Variants in RSRP1 observed in about 807,000 individuals in gnomAD.
RSRP1 encodes arginine and serine rich protein 1.
A neutral mutation model predicts 33.0 loss-of-function variants in RSRP1; 37 were observed. The ratio of observed to expected loss-of-function variants is 1.12; its 90% CI spans 0.86 to 1.48. The LOEUF (loss-of-function observed/expected upper bound fraction) is 1.48. Ranked by LOEUF, RSRP1 falls within the 40% of genes most tolerant of loss-of-function variation. The pLI is 0.00. For synonymous variants in RSRP1, 167 were observed against 158.7 expected (o/e 1.05, Z -0.40); for missense variants, 402 against 385.3 (o/e 1.04, Z -0.36).
Position 25,242,724 on chromosome 1 carries a change from A to G in RSRP1, c.757-19T>C. 6.7e-7 allele frequency: 1 copy of G among 1,500,170 alleles called. No homozygotes were observed. Among genetic ancestry groups the G allele is most frequent in the Non-Finnish European group, 9.2e-7 (1 of 1,092,170 alleles). 92.9% of individuals were successfully genotyped at this position (1,500,170 alleles called of 1,614,324 possible). On this transcript the variant is annotated intron_variant, in intron 4 of 4. Transcript: ENST00000243189. ...CAGAATTCTGTAAAAGAACAAATTC[A>G]GTCAGCTTCCCAAACATACATTGTA...
chr1:25,287,665 A>G (rs1236427133), intron 1 of RSRP1, among the ~76,000 whole-genome samples: 1 of 135,578 alleles, frequency 7.4e-6, no homozygotes, highest in Non-Finnish European at 1.8e-5. Context: ...TAACTTAGCA[A>G]ATGGCTATTG....
chr1:25,315,732 A>G (rs1644406499), intron 1 of RSRP1, among the ~76,000 whole-genome samples: 2 of 129,356 alleles, frequency 1.5e-5, no homozygotes, highest in Admixed American at 7.5e-5. Flanking sequence ...TCCTGACCTC[A>G]TGATCTGCCC....
intron 1 of RSRP1, among the ~76,000 whole-genome samples, chr1:25,260,235 C>G (rs750000085): frequency 2.6e-5 from 4 of 152,148 alleles, no homozygotes; most frequent in Non-Finnish European, 5.9e-5. Flanking sequence ...TTCTGGCAGA[C>G]CAAGGTTCTT....
At chr1:25,285,290 G>A (rs1477609259) in intron 1 of RSRP1, among the ~76,000 whole-genome samples, 5 of 133,608 alleles carry the variant, frequency 3.7e-5, no homozygotes, top group African/African-American at 1.0e-4. Flanking sequence ...ATGTGCCACC[G>A]CGCCTGGCTG....
intron 1 of RSRP1, among the ~76,000 whole-genome samples, chr1:25,269,079 A>C (rs1292927748): frequency 7.6e-6 from 1 of 132,136 alleles, no homozygotes; most frequent in Admixed American, 7.4e-5. Context: ...TTATGTCCTG[A>C]TAAAGCCATG....
chr1:25,337,953 T>C (rs1224720733), intron 1 of RSRP1: 2 of 151,674 alleles, frequency 1.3e-5, no homozygotes, highest in Non-Finnish European at 2.9e-5. Context: ...TGAGTAGCGC[T>C]GTGTGGCCGC....
At chr1:25,249,036 C>T (rs1429603062), upstream of RSRP1, among the ~76,000 whole-genome samples, 2 of 152,170 alleles carry the variant, frequency 1.3e-5, no homozygotes, top group East Asian at 1.9e-4. Context: ...GTAATCCCAG[C>T]TACTCGGGAG....
chr1:25,245,047 A>C (rs1639232442), intron 3 of RSRP1, 103 bp downstream of exon 3: 1 of 1,604,822 alleles, frequency 6.2e-7, no homozygotes, highest in Non-Finnish European at 8.5e-7. Context: ...CATTATATAC[A>C]TCTCTAGACT....
intron 1 of RSRP1, among the ~76,000 whole-genome samples, chr1:25,264,341 T>A (rs1389491260): frequency 6.6e-6 from 1 of 151,904 alleles, no homozygotes; most frequent in Non-Finnish European, 1.5e-5. Flanking sequence ...TTTCCGCACA[T>A]CCTCTTTAAT....
intron 1 of RSRP1, among the ~76,000 whole-genome samples, chr1:25,257,948 G>A (rs1640000191): frequency 6.6e-6 from 1 of 152,106 alleles, no homozygotes; most frequent in South Asian, 2.1e-4. Context: ...GGGGAGCCAT[G>A]AGTGTCAACA....
intron 1 of RSRP1, among the ~76,000 whole-genome samples, chr1:25,300,575 C>G (rs2986167): frequency 0.22 from 28,503 of 127,332 alleles, 7,893 homozygotes; most frequent in Admixed American, 0.29. Flanking sequence ...TTTGGGAGGC[C>G]GAGGCGGGTG....
intron 1 of RSRP1, among the ~76,000 whole-genome samples, chr1:25,314,329 GC>G: frequency 7.5e-6 from 1 of 132,860 alleles, no homozygotes; most frequent in African/African-American, 2.6e-5. Flanking sequence ...ACTAAATGGA[GC>G]ACTTTTAATA....
chr1:25,330,096 T>C (rs1402852559), intron 1 of RSRP1: 2 of 132,728 alleles, frequency 1.5e-5, no homozygotes, highest in East Asian at 1.9e-4. Flanking sequence ...CGTGTGGCAG[T>C]GTTTAAATGC....
intron 1 of RSRP1, among the ~76,000 whole-genome samples, chr1:25,297,771 C>T (rs1203319368): frequency 7.6e-6 from 1 of 131,940 alleles, no homozygotes; most frequent in African/African-American, 2.6e-5. Flanking sequence ...GCAGAGCTTT[C>T]TTAGGCGGAA....
intron 1 of RSRP1, among the ~76,000 whole-genome samples, chr1:25,305,861 C>A (rs2124688906): frequency 7.6e-6 from 1 of 131,292 alleles, no homozygotes; most frequent in Admixed American, 7.4e-5. Context: ...GTCGGCCTCC[C>A]AAAGTGCTGG....
chr1:25,306,630 G>C lies in RSRP1; in HGVS notation c.-67+31348C>G. The C allele has an allele frequency of 2.2e-6, 3 of 1,378,330 alleles. 1 individual carries two copies. The highest frequency in any genetic ancestry group is 3.1e-6 in the Non-Finnish European group (3 of 978,736). 85.4% of individuals were successfully genotyped at this position (1,378,330 alleles called of 1,614,324 possible). On this transcript the variant is annotated intron_variant, in intron 1 of 1. Transcript: ENST00000561867. ...AACCGAGTGCTGGGGATTCCCCACA[G>C]CTCCATCATGGGCTACAACTTCAGC...
chr1:25,285,355 A>G (rs1022113589), intron 1 of RSRP1, among the ~76,000 whole-genome samples: 1 of 134,228 alleles, frequency 7.5e-6, no homozygotes. Flanking sequence ...GCTAGTCTCA[A>G]ACTCCTGACC....
intron 1 of RSRP1, among the ~76,000 whole-genome samples, chr1:25,279,132 T>G (rs1641262591): frequency 7.9e-6 from 1 of 126,192 alleles, no homozygotes; most frequent in African/African-American, 2.7e-5. Flanking sequence ...GCCAAAGTGC[T>G]GTTATCCAAA....
chr1:25,292,405 A>G (rs1178803422), intron 1 of RSRP1, among the ~76,000 whole-genome samples: 1 of 132,514 alleles, frequency 7.5e-6, no homozygotes, highest in Non-Finnish European at 1.8e-5. Flanking sequence ...AGACTAGGAC[A>G]ATAGCTGTGA....
Sources: gnomAD v4.1 joint callset for allele counts (sites outside exome capture counted in the v4.1 genomes callset) on GRCh38, gnomAD v4.1.1 for gene constraint, MANE v1.5 for transcripts, NCBI Gene and HGNC (gene_info 2026-07-23, HGNC 2026-07-21) for gene names.